GATA4: variants seen among roughly 807,000 people sequenced by gnomAD.
GATA4 encodes transcription factor GATA-4.
Under a neutral mutation model 37.9 loss-of-function variants are expected in GATA4, and 7 were observed. The ratio of observed to expected loss-of-function variants is 0.18; its 90% confidence interval spans 0.11 to 0.35. The LOEUF (loss-of-function observed/expected upper bound fraction) is 0.35. Among genes scored for constraint, GATA4 ranks in the 10% least tolerant of loss-of-function variants. The pLI, the probability that GATA4 is intolerant of heterozygous loss-of-function variation, is 1.00. For synonymous variants in GATA4, 372 were observed against 292.6 expected (o/e 1.27, Z -2.77); for missense variants, 647 against 653.0 (o/e 0.99, Z 0.10).
intron 4 of GATA4, among the ~76,000 whole-genome samples, chr8:11,753,205 C>T (rs767370196): frequency 9.9e-5 from 15 of 152,090 alleles, no homozygotes; most frequent in Non-Finnish European, 1.5e-4. Flanking sequence ...TATACATACA[C>T]GTAGGATATT....
chr8:11,756,872 G>GGCTGCCGGCTGTTCGTTTGTCC, intron 5 of GATA4, 63 bp from the exon 6 acceptor site: 1 of 1,612,566 alleles, frequency 6.2e-7, no homozygotes, highest in South Asian at 1.1e-5. Flanking sequence ...CTGTCTCGCA[G>GGCTGCCGGCTGTTCGTTTGTCC]GCTGCCGGCT....
chr8:11,725,501 C>T lies in GATA4; in HGVS notation c.616+16573C>T, dbSNP rs150417847. 4.5e-3 allele frequency among the ~76,000 whole-genome samples: 684 copies of T among 152,356 alleles called. 9 individuals are homozygous for T. The highest frequency in any genetic ancestry group is 6.0e-3 in the Non-Finnish European group (405 of 68,036). On this transcript the variant is annotated intron_variant, in intron 2 of 6. Coordinates refer to ENST00000532059, the MANE Select transcript of GATA4 (RefSeq NM_001308093.3). ...CTGCCAGGGAGGGAACTTGCAGAACCGAAGGCCTCTTTTTGCCTGGTTTCC... is the reference window on the plus strand; with the variant it reads ...CTGCCAGGGAGGGAACTTGCAGAACTGAAGGCCTCTTTTTGCCTGGTTTCC...
upstream of GATA4, among the ~76,000 whole-genome samples, chr8:11,701,058 C>T (rs73203479): frequency 0.013 from 2,002 of 152,202 alleles, 20 homozygotes; most frequent in Non-Finnish European, 0.018. Context: ...GTACACAATA[C>T]GCAGCGTACA....
At chr8:11,693,518 C>G (rs548479883) in intron 1 of GATA4, among the ~76,000 whole-genome samples, 1 of 73,006 alleles carries the variant, frequency 1.4e-5, no homozygotes, top group Non-Finnish European at 3.1e-5. Context: ...ATTGATTCAG[C>G]ACAAACACAC....
upstream of GATA4, among the ~76,000 whole-genome samples, chr8:11,699,950 A>C (rs1019180950): frequency 6.6e-6 from 1 of 152,224 alleles, no homozygotes; most frequent in East Asian, 1.9e-4. Flanking sequence ...TAGAAAGTCG[A>C]TATTAAATAG....
rs924500000 is a variant in GATA4 at position 11,707,050 on chromosome 8, G to C, written c.-457-806G>C. ...GGTGTTATGATTCTGCTTATGGGTG[G>C]ATTTATTATTCTATATGAAGAACCC... On this transcript the variant is annotated intron_variant, in intron 1 of 6. Coordinates refer to ENST00000532059, the MANE Select transcript of GATA4 (RefSeq NM_001308093.3). This position sits in a 1 kb window ranked among gnomAD's most constrained non-coding sequence, Gnocchi z 4.7. Among the ~76,000 whole-genome samples, 3 of 152,138 alleles carry C rather than the reference G, an allele frequency of 2.0e-5. No homozygotes were observed. The highest frequency in any genetic ancestry group is 4.4e-5 in the Non-Finnish European group (3 of 68,024).
chr8:11,722,710 A>T (rs1015647451), intron 2 of GATA4, among the ~76,000 whole-genome samples: 4 of 152,082 alleles, frequency 2.6e-5, no homozygotes, highest in African/African-American at 9.7e-5. Context: ...TTGCTCATGT[A>T]AGTCTGTGAT....
At chr8:11,711,388 C>G (rs1216787868) in intron 2 of GATA4, among the ~76,000 whole-genome samples, 1 of 152,206 alleles carries the variant, frequency 6.6e-6, no homozygotes, top group Non-Finnish European at 1.5e-5. Context: ...AGGTGCGGCT[C>G]TCTGTGAGGG....
At chr8:11,754,972 G>T (rs1206150027) in intron 4 of GATA4, 74 bp from the exon 5 acceptor site, 1 of 1,188,808 alleles carries the variant, frequency 8.4e-7, no homozygotes, top group Non-Finnish European at 1.2e-6. Flanking sequence ...TCTCGCAGCA[G>T]GTGTGTGTCT....
intron 1 of GATA4, among the ~76,000 whole-genome samples, chr8:11,706,646 T>C (rs1177824231): frequency 6.6e-6 from 1 of 152,240 alleles, no homozygotes; most frequent in Non-Finnish European, 1.5e-5. Flanking sequence ...CTTGTAAATC[T>C]ACTATTGAAA....
At chr8:11,725,158 G>C (rs189393600) in intron 2 of GATA4, among the ~76,000 whole-genome samples, 12 of 152,376 alleles carry the variant, frequency 7.9e-5, no homozygotes, top group Admixed American at 7.8e-4. Context: ...GGCTGGGGTA[G>C]AGATGAGGGA....
At position 11,727,781 on chromosome 8, in the gene GATA4, C is replaced by T. The variant is rs181431245; in HGVS notation, c.616+18853C>T. 6.0e-4 allele frequency among the ~76,000 whole-genome samples: 90 copies of T among 151,010 alleles called. 1 individual carries two copies. In the East Asian group the frequency reaches 0.014, roughly 24 times the overall value. Reference sequence around the variant, plus strand: ...ACTTGAGCCTGGGAGGTGGAGACTGCGGTGAGCCGTGATCTAGCCTGGGTG... The same window carrying T: ...ACTTGAGCCTGGGAGGTGGAGACTGTGGTGAGCCGTGATCTAGCCTGGGTG... On this transcript the variant is annotated intron_variant, in intron 2 of 6. Transcript: ENST00000532059.
At chr8:11,692,765 G>A (rs967401720) in intron 1 of GATA4, 8 of 982,976 alleles carry the variant, frequency 8.1e-6, no homozygotes, top group African/African-American at 1.8e-5. Context: ...CGGACGGGGG[G>A]CGGGAAGCGA....
rs943778062 is a variant in GATA4, at chr8:11,707,554, C to T, written c.-457-302C>T. Among the ~76,000 whole-genome samples, 4 of 152,152 alleles carry T rather than the reference C, an allele frequency of 2.6e-5. No homozygotes were observed. The highest frequency in any genetic ancestry group is 9.7e-5 in the African/African-American group (4 of 41,446). ...TGCAGAATAAGGTAACATTAAAGTC[C>T]TTCCTGACAAGCAATACAAAAATCA... On this transcript the variant is annotated intron_variant, in intron 1 of 6. Coordinates refer to ENST00000532059, the MANE Select transcript of GATA4 (RefSeq NM_001308093.3). The surrounding 1 kb of genome is among the most constrained non-coding windows in gnomAD (Gnocchi z 4.7).
intron 4 of GATA4, among the ~76,000 whole-genome samples, chr8:11,754,161 C>T (rs1455217033): frequency 6.6e-6 from 1 of 152,240 alleles, no homozygotes; most frequent in Admixed American, 6.5e-5. Context: ...TCTCAACTCA[C>T]TGGGACTGTT....
intron 2 of GATA4, among the ~76,000 whole-genome samples, chr8:11,734,661 A>G (rs1801369887): frequency 6.6e-6 from 1 of 152,082 alleles, no homozygotes; most frequent in Admixed American, 6.5e-5. Context: ...TAATTTTTGT[A>G]TCTTTAGTAG....
At chr8:11,726,788 A>G (rs1435277599) in intron 2 of GATA4, among the ~76,000 whole-genome samples, 1 of 152,142 alleles carries the variant, frequency 6.6e-6, no homozygotes, top group East Asian at 1.9e-4. Flanking sequence ...TGATCCCTTG[A>G]TGCTCTGCTG....
intron 1 of GATA4, among the ~76,000 whole-genome samples, chr8:11,684,384 G>T (rs933169557): frequency 6.6e-6 from 1 of 152,152 alleles, no homozygotes; most frequent in Non-Finnish European, 1.5e-5. Context: ...GCAGGAATGT[G>T]CTTCTCAAAA....
Position 11,709,876 on chromosome 8 carries a change from C to T in GATA4, c.616+948C>T, listed in dbSNP as rs910179738. Among the ~76,000 whole-genome samples the T allele has an allele frequency of 3.3e-5, 5 of 152,096 alleles. No individual in the cohort carries two copies. The highest frequency in any genetic ancestry group is 9.7e-5 in the African/African-American group (4 of 41,422). ...GCCGGGGGAGAAAGGGAAGTGGCAA[C>T]CCCTAGTTCAAAATGCAAACGACCT... On this transcript the variant is annotated intron_variant, in intron 2 of 6. Coordinates refer to ENST00000532059, the MANE Select transcript of GATA4 (RefSeq NM_001308093.3). The surrounding 1 kb of genome is among the most constrained non-coding windows in gnomAD (Gnocchi z 4.3).
Sources: allele counts gnomAD v4.1 joint callset (sites outside exome capture counted in the v4.1 genomes callset), GRCh38; gene constraint gnomAD v4.1.1; non-coding constraint Gnocchi (gnomAD v3.1); transcripts MANE v1.5; gene names NCBI Gene and HGNC (gene_info 2026-07-23, HGNC 2026-07-21).